ZFAND3: variants seen among roughly 807,000 people sequenced by gnomAD.
ZFAND3 encodes AN1-type zinc finger protein 3.
ZFAND3 carries 10 observed loss-of-function variants against 29.6 expected under a neutral mutation model. The observed-to-expected ratio is 0.34, with a 90% CI of 0.21 to 0.57. The LOEUF (loss-of-function observed/expected upper bound fraction) is 0.57, where lower values mean the gene tolerates loss of function less well. Among genes scored for constraint, ZFAND3 ranks in the 20% least tolerant of loss-of-function variants. The probability of loss-of-function intolerance (pLI) is 0.86; values close to 1 mark genes in which losing one functional copy is unlikely to be tolerated. For missense variants in ZFAND3, 230 were observed against 304.5 expected (o/e 0.76, Z 1.82); for synonymous variants, 128 against 112.6 (o/e 1.14, Z -0.87).
intron 2 of ZFAND3, among the ~76,000 whole-genome samples, 166 bp downstream of exon 2, chr6:37,930,165 T>C (rs530761641): frequency 2.6e-5 from 4 of 152,244 alleles, no homozygotes; most frequent in East Asian, 1.9e-4. Context: ...GTGCTTCATA[T>C]ATTTGCCTAG....
intron 2 of ZFAND3, among the ~76,000 whole-genome samples, chr6:37,971,405 C>T (rs1220234013): frequency 1.3e-5 from 2 of 152,140 alleles, no homozygotes; most frequent in Non-Finnish European, 2.9e-5. Context: ...TGACTGCCTT[C>T]TGAATAGTAT....
chr6:37,881,955 G>A (rs1344046414), intron 1 of ZFAND3, among the ~76,000 whole-genome samples: 3 of 152,190 alleles, frequency 2.0e-5, no homozygotes, highest in African/African-American at 7.2e-5. Context: ...CAGTGGTGCA[G>A]AGCTCAGCAT....
At chr6:37,987,316 T>C (rs532879988) in intron 2 of ZFAND3, among the ~76,000 whole-genome samples, 33 of 152,324 alleles carry the variant, frequency 2.2e-4, no homozygotes, top group Admixed American at 9.8e-4. Flanking sequence ...TTGAATTTGC[T>C]CAAGAAGTCC....
intron 1 of ZFAND3, among the ~76,000 whole-genome samples, chr6:37,872,565 C>T (rs780722427): frequency 2.8e-4 from 43 of 152,184 alleles, no homozygotes; most frequent in Admixed American, 1.8e-3. Flanking sequence ...CTTGCCTCTC[C>T]AGAGTACCAC....
chr6:38,031,421 T>C (rs1241913269), intron 2 of ZFAND3, among the ~76,000 whole-genome samples: 3 of 152,242 alleles, frequency 2.0e-5, no homozygotes, highest in Non-Finnish European at 4.4e-5. Flanking sequence ...CCCACTATGC[T>C]CAGCCATTTT....
At chr6:37,953,441 C>CTTTTTTTTTTTTTTT (rs35182018) in intron 2 of ZFAND3, among the ~76,000 whole-genome samples, 6 of 106,210 alleles carry the variant, frequency 5.6e-5, no homozygotes, top group Non-Finnish European at 5.5e-5. Flanking sequence ...GCATAATTAT[C>CTTTTTTTTTTTTTTT]TTTTTTTTTT....
chr6:37,985,528 C>CACACACACACACACACA (rs372598964), intron 2 of ZFAND3, among the ~76,000 whole-genome samples: 8 of 127,668 alleles, frequency 6.3e-5, no homozygotes, highest in Admixed American at 2.3e-4. Flanking sequence ...CACACACACA[C>CACACACACACACACACA]CCCCACACAC....
intron 4 of ZFAND3, among the ~76,000 whole-genome samples, chr6:38,103,486 TATATACACGTGTATATATATACAC>T (rs1765145709): frequency 4.0e-5 from 1 of 24,960 alleles, no homozygotes; most frequent in Non-Finnish European, 1.1e-4. Flanking sequence ...TATACACACA[TATATACACGTGTATATATATACAC>T]GTGTATATAT....
rs752514558 is a variant in ZFAND3, at chr6:38,116,668, G to A, written c.458G>A (p.Ser153Asn). The A allele has an allele frequency of 4.3e-6, 7 of 1,614,082 alleles. No homozygotes were observed. The highest frequency in any genetic ancestry group is 1.7e-5 in the Admixed American group (1 of 60,010). ...GAAACCAGTCGATCTAAACAGAAGA[G>A]TCGACGTCGGTGCTTCCAGTGCCAA... ...SEETSRSKQKSRRRCFQCQTK... is the reference protein window; with the variant it reads ...SEETSRSKQKNRRRCFQCQTK... The change falls in exon 5 of 6, where the codon AGT (serine) becomes AAT (asparagine). Residue 153 changes from serine to asparagine, a missense_variant. Ser to Asn is a conservative substitution (Grantham distance 46, BLOSUM62 1). Transcript: ENST00000287218.
chr6:37,840,994 T>A (rs1764063235), intron 1 of ZFAND3, among the ~76,000 whole-genome samples: 1 of 152,224 alleles, frequency 6.6e-6, no homozygotes, highest in South Asian at 2.1e-4. Context: ...TGCTTGAATC[T>A]GTTATACATT....
intron 1 of ZFAND3, among the ~76,000 whole-genome samples, chr6:37,890,895 G>A (rs1333720221): frequency 6.6e-6 from 1 of 152,160 alleles, no homozygotes; most frequent in South Asian, 2.1e-4. Context: ...AGTGACTCTA[G>A]CCAAATGGCA....
intron 1 of ZFAND3, among the ~76,000 whole-genome samples, chr6:37,866,549 A>T (rs1401381060): frequency 1.3e-5 from 2 of 152,234 alleles, no homozygotes; most frequent in Non-Finnish European, 2.9e-5. Context: ...TGAAATTAAA[A>T]TATTGGCTTA....
intron 1 of ZFAND3, among the ~76,000 whole-genome samples, chr6:37,821,625 CT>C (rs1353478856): frequency 3.9e-5 from 6 of 152,174 alleles, no homozygotes; most frequent in Non-Finnish European, 7.3e-5. Flanking sequence ...CTGGAAAAAT[CT>C]TGTGTCACAA....
chr6:37,859,743 A>G (rs1321458571), intron 1 of ZFAND3, among the ~76,000 whole-genome samples: 2 of 152,014 alleles, frequency 1.3e-5, no homozygotes, highest in Non-Finnish European at 2.9e-5. Flanking sequence ...TTTAGAATGT[A>G]GTAGCTTTTC....
At chr6:38,115,973 C>G (rs1045165410) in intron 4 of ZFAND3, among the ~76,000 whole-genome samples, 2 of 152,178 alleles carry the variant, frequency 1.3e-5, no homozygotes, top group African/African-American at 4.8e-5. Context: ...GGTGCCCCTT[C>G]ATTCTGAATC....
At chr6:38,033,141 C>T (rs1486529244) in intron 2 of ZFAND3, among the ~76,000 whole-genome samples, 2 of 152,110 alleles carry the variant, frequency 1.3e-5, no homozygotes, top group Non-Finnish European at 2.9e-5. Flanking sequence ...TATCCAAGAG[C>T]TAAATTCCTG....
intron 5 of ZFAND3, among the ~76,000 whole-genome samples, chr6:38,126,287 G>C (rs1765632974): frequency 6.6e-6 from 1 of 152,184 alleles, no homozygotes; most frequent in East Asian, 1.9e-4. Context: ...TATACCACAT[G>C]TGTTTATCCA....
At chr6:38,141,193 A>T (rs1765947175) in intron 5 of ZFAND3, among the ~76,000 whole-genome samples, 2 of 152,258 alleles carry the variant, frequency 1.3e-5, no homozygotes, top group Admixed American at 1.3e-4. Context: ...AGTGCATGTG[A>T]TGCTGGCACA....
chr6:37,973,059 A>G (rs1762417169), intron 2 of ZFAND3, among the ~76,000 whole-genome samples: 1 of 152,000 alleles, frequency 6.6e-6, no homozygotes, highest in East Asian at 1.9e-4. Flanking sequence ...ATATACTGTT[A>G]GTATATTCAT....
Sources: allele counts gnomAD v4.1 joint callset (sites outside exome capture counted in the v4.1 genomes callset), GRCh38; gene constraint gnomAD v4.1.1; transcripts MANE v1.5; gene names NCBI Gene and HGNC (gene_info 2026-07-23, HGNC 2026-07-21).